SDK2: variants seen among roughly 807,000 people sequenced by gnomAD.
SDK2 encodes protein sidekick-2.
SDK2 carries 105 observed loss-of-function variants against 253.9 expected under a neutral mutation model. The observed-to-expected ratio is 0.41, with a 90% CI of 0.35 to 0.49. The LOEUF (loss-of-function observed/expected upper bound fraction) is 0.49. Among genes scored for constraint, SDK2 ranks in the 20% least tolerant of loss-of-function variants. SDK2 has a pLI of 0.06. For synonymous variants in SDK2, 1,249 were observed against 1,234.9 expected, an observed-to-expected ratio of 1.01 and a Z score of -0.24; for missense variants, 2,608 against 3,003.0, an observed-to-expected ratio of 0.87 and a Z score of 3.07.
At chr17:73,397,902 G>T in intron 24 of SDK2, 133 bp downstream of exon 24, 1 of 1,024,052 alleles carries the variant, frequency 9.8e-7, no homozygotes, top group Non-Finnish European at 1.4e-6. Context: ...CTAAGATGTT[G>T]ATTATCAGGC....
intron 1 of SDK2, among the ~76,000 whole-genome samples, chr17:73,597,837 G>A (rs1256339314): frequency 1.3e-5 from 2 of 151,938 alleles, no homozygotes; most frequent in Admixed American, 6.6e-5. Context: ...AGTAGAGATG[G>A]GGTTTCACTG....
intron 1 of SDK2, among the ~76,000 whole-genome samples, chr17:73,540,547 A>T (rs2044852907): frequency 6.6e-6 from 1 of 152,180 alleles, no homozygotes; most frequent in Non-Finnish European, 1.5e-5. Flanking sequence ...CCCATAACAT[A>T]ATATATATAT....
chr17:73,550,723 A>C (rs2045041783), intron 1 of SDK2, among the ~76,000 whole-genome samples: 1 of 152,230 alleles, frequency 6.6e-6, no homozygotes, highest in Admixed American at 6.5e-5. Flanking sequence ...GCTACAGGGA[A>C]CTGGTTGCAG....
intron 8 of SDK2, among the ~76,000 whole-genome samples, chr17:73,436,921 T>C (rs1436273961): frequency 1.3e-5 from 2 of 152,204 alleles, no homozygotes; most frequent in Admixed American, 1.3e-4. Context: ...TTTATCAGCT[T>C]GCCCATCTCC....
Position 73,522,296 on chromosome 17 carries a change from C to A in SDK2, c.65-14699G>T, listed in dbSNP as rs939109612. On this transcript the variant is annotated intron_variant, in intron 1 of 44. Transcript: ENST00000392650. ...TGCTGACCCCTGCCCCAGGCTGCAG[C>A]CACCTCTGCTGCCCACCTCATCCTG... Among the ~76,000 whole-genome samples, 6 of 152,240 alleles carry A rather than the reference C, an allele frequency of 3.9e-5. No individual in the cohort carries two copies. The South Asian group carries it at 1.0e-3, about 26-fold the overall frequency.
At chr17:73,490,853 T>C (rs899681608) in intron 2 of SDK2, among the ~76,000 whole-genome samples, 2 of 151,980 alleles carry the variant, frequency 1.3e-5, no homozygotes, top group Non-Finnish European at 2.9e-5. Context: ...GCATTTCACA[T>C]GTGATAATGC....
chr17:73,599,796 C>A (rs2045811978), intron 1 of SDK2, among the ~76,000 whole-genome samples: 1 of 152,198 alleles, frequency 6.6e-6, no homozygotes, highest in South Asian at 2.1e-4. Flanking sequence ...CAGGCCCAAC[C>A]TGTTCCCCAC....
At chr17:73,369,140 C>T (rs772440000) in intron 36 of SDK2, 5 of 470,900 alleles carry the variant, frequency 1.1e-5, no homozygotes, top group East Asian at 6.9e-5. Flanking sequence ...CTGTGTTTCC[C>T]GCCATGCCTG....
intron 2 of SDK2, among the ~76,000 whole-genome samples, chr17:73,475,909 C>T (rs1043625157): frequency 1.2e-4 from 18 of 152,196 alleles, no homozygotes; most frequent in African/African-American, 4.3e-4. Context: ...GTCAGGAGTT[C>T]AAGACCAGCA....
At chr17:73,625,550 G>A (rs1013513799) in intron 1 of SDK2, among the ~76,000 whole-genome samples, 1 of 152,214 alleles carries the variant, frequency 6.6e-6, no homozygotes, top group Admixed American at 6.5e-5. Context: ...TGGGCCCCAC[G>A]CCTAGAAGGG....
chr17:73,624,292 G>A (rs191721873), intron 1 of SDK2, among the ~76,000 whole-genome samples: 18 of 152,304 alleles, frequency 1.2e-4, no homozygotes, highest in African/African-American at 4.1e-4. Context: ...TCAGGAGTTC[G>A]AGACCAGCCT....
Position 73,338,920 on chromosome 17 carries a change from C to T in SDK2, c.6186G>A (p.Glu2062=), listed in dbSNP as rs780359547. The T allele has an allele frequency of 1.5e-5, 24 of 1,613,858 alleles. No homozygotes were observed. The highest frequency in any genetic ancestry group is 2.7e-5 in the African/African-American group (2 of 74,910). The change falls in exon 45 of 45, where the codon GAG becomes GAA. Residue 2062 remains glutamate, a synonymous_variant. Coordinates refer to ENST00000392650, the MANE Select transcript of SDK2 (RefSeq NM_001144952.2). The surrounding 1 kb of genome is among the most constrained non-coding windows in gnomAD (Gnocchi z 5.0). ...GGGCCTTCTGGTGGTTTGAGTCGAC[C>T]TCGTACTCGCTGTCACTTCCCTGGG... ...SDSQGSDSEY[E]VDSNHQKAHS...
intron 1 of SDK2, among the ~76,000 whole-genome samples, chr17:73,617,253 C>CT (rs2046072181): frequency 1.5e-5 from 2 of 133,176 alleles, no homozygotes; most frequent in African/African-American, 5.8e-5. Context: ...GAGAGGCCTC[C>CT]TGCAGAGGGG....
intron 44 of SDK2, among the ~76,000 whole-genome samples, chr17:73,340,413 C>T (rs1458294178): frequency 3.9e-5 from 6 of 152,310 alleles, no homozygotes; most frequent in African/African-American, 1.4e-4. Context: ...TTTCTGTCTC[C>T]AGGGATTAAC....
Position 73,385,670 on chromosome 17 carries a change from C to T in SDK2, c.4569+177G>A, listed in dbSNP as rs375680559. Among the ~76,000 whole-genome samples, 9 of 152,160 alleles carry T rather than the reference C, an allele frequency of 5.9e-5. No individual in the cohort carries two copies. The South Asian group carries it at 8.3e-4, about 14-fold the overall frequency. On this transcript the variant is annotated intron_variant, in intron 32 of 44. Coordinates refer to ENST00000392650, the MANE Select transcript of SDK2 (RefSeq NM_001144952.2). ...ATGGGAGTGTGTATGTGTGGGCACACGGTGTATAGAATGTTCTGTGACATG... is the reference window on the plus strand; with the variant it reads ...ATGGGAGTGTGTATGTGTGGGCACATGGTGTATAGAATGTTCTGTGACATG...
Position 73,534,919 on chromosome 17 carries a change from T to C in SDK2, c.65-27322A>G, listed in dbSNP as rs955430174. 6.6e-6 allele frequency among the ~76,000 whole-genome samples: 1 copy of C among 151,880 alleles called. No individual in the cohort carries two copies. The highest frequency in any genetic ancestry group is 2.4e-5 in the African/African-American group (1 of 41,310). On this transcript the variant is annotated intron_variant, in intron 1 of 44. Transcript: ENST00000392650. The surrounding 1 kb of genome is among the most constrained non-coding windows in gnomAD (Gnocchi z 4.9). ...ATCGGCCGATCAGCCCGCTACTGGG[T>C]CTAAGGAACCCAGGAGGAGGGAGGC...
rs1234604924 is a variant in SDK2, at chr17:73,438,082, G to A, written c.798C>T (p.Asn266=). ...VLLSGGISDH[N]RRLTIPNPTG... ...TGGGGTTGGGGATGGTGAGCCGGCG[G>A]TTGTGGTCACTGATGCCGCCCGACA... The change falls in exon 7 of 45, where the codon AAC becomes AAT. Residue 266 remains asparagine, a synonymous_variant. Coordinates refer to ENST00000392650, the MANE Select transcript of SDK2 (RefSeq NM_001144952.2). 1.9e-6 allele frequency: 3 copies of A among 1,551,584 alleles called. No homozygotes were observed. The highest frequency in any genetic ancestry group is 2.0e-5 in the Admixed American group (1 of 50,988).
At chr17:73,404,337 G>T (rs2145536918) in intron 18 of SDK2, among the ~76,000 whole-genome samples, 1 of 152,238 alleles carries the variant, frequency 6.6e-6, no homozygotes, top group South Asian at 2.1e-4. Flanking sequence ...TCAGGTCCAG[G>T]GAGAGAGACA....
Position 73,379,575 on chromosome 17 carries a change from A to G in SDK2, c.4763-26T>C, listed in dbSNP as rs187676654. On this transcript the variant is annotated intron_variant, in intron 34 of 44. Coordinates refer to ENST00000392650, the MANE Select transcript of SDK2 (RefSeq NM_001144952.2). The surrounding 1 kb of genome is among the most constrained non-coding windows in gnomAD (Gnocchi z 4.5). ...CTGTGGGGGAGAGTGGGGGAGGGGA[A>G]GCACACTGAGGTCACCGTCATTGCT... 730 of 1,425,128 alleles carry G rather than the reference A, an allele frequency of 5.1e-4. 3 individuals are homozygous for G. In the African/African-American group the frequency reaches 9.2e-3, roughly 18 times the overall value. 88.3% of individuals were successfully genotyped at this position (1,425,128 alleles called of 1,614,324 possible). A position where few individuals can be genotyped will look rare whatever the true frequency, so the allele number is the denominator to read the frequency against.
Sources: gnomAD v4.1 joint callset for allele counts (sites outside exome capture counted in the v4.1 genomes callset) on GRCh38, gnomAD v4.1.1 for gene constraint, Gnocchi (gnomAD v3.1) non-coding constraint, MANE v1.5 for transcripts, NCBI Gene and HGNC (gene_info 2026-07-23, HGNC 2026-07-21) for gene names.